The following USP46 variants were observed in gnomAD, a reference collection of about 807,000 sequenced individuals.
USP46 encodes ubiquitin specific peptidase 46, also known as ubiquitin carboxyl-terminal hydrolase 46.
USP46 carries 12 observed loss-of-function variants against 44.4 expected under a neutral mutation model. That is an observed-to-expected ratio of 0.27 (90% CI 0.17 to 0.44). USP46 has a LOEUF of 0.44. USP46 is among the 20% of genes least tolerant of loss of function. The pLI, the probability that USP46 is intolerant of heterozygous loss-of-function variation, is 1.00. For missense variants in USP46, 248 were observed against 444.8 expected (o/e 0.56, Z 3.98); for synonymous variants, 155 against 161.5 (o/e 0.96, Z 0.31).
intron 4 of USP46, among the ~76,000 whole-genome samples, chr4:52,620,535 C>T (rs980432942): frequency 2.6e-5 from 4 of 152,146 alleles, no homozygotes; most frequent in African/African-American, 9.7e-5. Flanking sequence ...CAGGCTTTTA[C>T]ATAGCAAATG....
chr4:52,617,010 T>G (rs1045593869), intron 4 of USP46, among the ~76,000 whole-genome samples: 1 of 152,236 alleles, frequency 6.6e-6, no homozygotes, highest in Non-Finnish European at 1.5e-5. Flanking sequence ...TATATCTGTA[T>G]GCTAGTAAAC....
chr4:52,658,983 G>A lies in USP46; in HGVS notation c.36+132C>T, dbSNP rs879751259. 1.5e-3 allele frequency: 1,769 copies of A among 1,145,410 alleles called. 6 individuals are homozygous for A. The highest frequency in any genetic ancestry group is 1.9e-3 in the Non-Finnish European group (1,679 of 865,268). 71.0% of individuals were successfully genotyped at this position (1,145,410 alleles called of 1,614,324 possible). A position where few individuals can be genotyped will look rare whatever the true frequency, so the allele number is the denominator to read the frequency against. Reference sequence around the variant, plus strand: ...CTGCGGCCGCGCGCCCAGCTCGGGGGCCGGGAACTTCTGGCGGCGCGGACC... The same window carrying A: ...CTGCGGCCGCGCGCCCAGCTCGGGGACCGGGAACTTCTGGCGGCGCGGACC... On this transcript the variant is annotated intron_variant, in intron 1 of 8. Transcript: ENST00000441222.
intron 1 of USP46, among the ~76,000 whole-genome samples, chr4:52,657,107 C>G (rs943874626): frequency 6.7e-6 from 1 of 149,234 alleles, no homozygotes; most frequent in Non-Finnish European, 1.5e-5. Context: ...AGAACCCAAA[C>G]TCTGTCACTC....
At position 52,595,021 on chromosome 4, in the gene USP46, A is replaced by T. The variant is rs951329292; in HGVS notation, c.*2619T>A. The T allele has an allele frequency of 6.6e-6, 1 of 152,070 alleles. No homozygotes were observed. The highest frequency in any genetic ancestry group is 1.5e-5 in the Non-Finnish European group (1 of 68,034). 9.4% of individuals were successfully genotyped at this position (152,070 alleles called of 1,614,324 possible). A position where few individuals can be genotyped will look rare whatever the true frequency, so the allele number is the denominator to read the frequency against. On this transcript the variant is annotated 3_prime_UTR_variant, in exon 9 of 9. Coordinates refer to ENST00000441222, the MANE Select transcript of USP46 (RefSeq NM_022832.4). ...AAACTAGTAAGTAACCAATAAAGCA[A>T]ATGTTCCTTCTGTTTTTTTTTTAAA...
At position 52,648,806 on chromosome 4, in the gene USP46, A is replaced by G. The variant is rs142338163; in HGVS notation, c.36+10309T>C. 1.2e-3 allele frequency among the ~76,000 whole-genome samples: 187 copies of G among 152,334 alleles called. 2 individuals carry two copies. Among genetic ancestry groups the G allele is most frequent in the Admixed American group, 2.9e-3 (44 of 15,306 alleles). The stretch of plus-strand genomic sequence containing the variant: ...CTCTGCATTTAAATAGGAGTGTCCT[A>G]TGGTAGCTTAACCTTAGAGGGACCT... On this transcript the variant is annotated intron_variant, in intron 1 of 8. Coordinates refer to ENST00000441222, the MANE Select transcript of USP46 (RefSeq NM_022832.4).
intron 1 of USP46, among the ~76,000 whole-genome samples, chr4:52,640,229 T>C (rs1400789678): frequency 6.6e-6 from 1 of 152,156 alleles, no homozygotes; most frequent in Non-Finnish European, 1.5e-5. Flanking sequence ...AGTAATAACG[T>C]GTTGCATAGG....
At chr4:52,649,376 T>C (rs1037974002) in intron 1 of USP46, among the ~76,000 whole-genome samples, 2 of 152,248 alleles carry the variant, frequency 1.3e-5, no homozygotes, top group African/African-American at 2.4e-5. Context: ...AGGTATTTCA[T>C]TGACTACCTT....
intron 4 of USP46, among the ~76,000 whole-genome samples, chr4:52,622,335 T>TA (rs1374504854): frequency 2.2e-4 from 34 of 152,164 alleles, no homozygotes; most frequent in Non-Finnish European, 4.6e-4. Flanking sequence ...TATACTTCTT[T>TA]AAAAAAATGA....
At chr4:52,642,277 T>C (rs1718371908) in intron 1 of USP46, among the ~76,000 whole-genome samples, 1 of 152,254 alleles carries the variant, frequency 6.6e-6, no homozygotes, top group East Asian at 1.9e-4. Context: ...ATTTTACTTG[T>C]ATTTCATTCA....
At chr4:52,598,020 A>G (rs1268379610) in intron 8 of USP46, among the ~76,000 whole-genome samples, 2 of 152,214 alleles carry the variant, frequency 1.3e-5, no homozygotes, top group African/African-American at 4.8e-5. Context: ...CCCAGATGGT[A>G]AACTGATGGG....
In USP46 at chr4:52,597,479, C is replaced by G. The variant is rs778366743; in HGVS notation, c.*161G>C. ...TGAAATAAAACCAAGAGTAGTGCTGCATGTAAAAACACAAAAGGAGAGAGT... is the reference window on the plus strand; with the variant it reads ...TGAAATAAAACCAAGAGTAGTGCTGGATGTAAAAACACAAAAGGAGAGAGT... On this transcript the variant is annotated 3_prime_UTR_variant, in exon 9 of 9. Coordinates refer to ENST00000441222, the MANE Select transcript of USP46 (RefSeq NM_022832.4). 1.8e-5 allele frequency: 11 copies of G among 602,580 alleles called. No homozygotes were observed. Among genetic ancestry groups the G allele is most frequent in the Non-Finnish European group, 3.2e-5 (11 of 340,376 alleles). 37.3% of individuals were successfully genotyped at this position (602,580 alleles called of 1,614,324 possible). A position where few individuals can be genotyped will look rare whatever the true frequency, so the allele number is the denominator to read the frequency against.
intron 1 of USP46, among the ~76,000 whole-genome samples, chr4:52,631,953 C>T (rs561383648): frequency 6.6e-6 from 1 of 151,658 alleles, no homozygotes; most frequent in Admixed American, 6.6e-5. Context: ...TTGCAGTGAG[C>T]CAAGATTGTG....
At chr4:52,634,867 G>A (rs1346799934) in intron 1 of USP46, among the ~76,000 whole-genome samples, 2 of 152,186 alleles carry the variant, frequency 1.3e-5, no homozygotes, top group Non-Finnish European at 2.9e-5. Context: ...CAACACCCAT[G>A]TGGATGGATG....
intron 1 of USP46, among the ~76,000 whole-genome samples, chr4:52,652,774 G>C (rs1304763943): frequency 6.6e-6 from 1 of 152,006 alleles, no homozygotes; most frequent in Non-Finnish European, 1.5e-5. Context: ...TGTGGGGAGA[G>C]GCAATGAGAT....
chr4:52,643,933 T>G (rs924320073), intron 1 of USP46, among the ~76,000 whole-genome samples: 1 of 152,186 alleles, frequency 6.6e-6, no homozygotes, highest in Non-Finnish European at 1.5e-5. Flanking sequence ...ACATTTTCAG[T>G]AATTCTTTAG....
intron 1 of USP46, among the ~76,000 whole-genome samples, chr4:52,647,602 G>A (rs7691678): frequency 0.13 from 20,121 of 152,194 alleles, 1,373 homozygotes; most frequent in African/African-American, 0.18. Context: ...CTCAGGAAAA[G>A]GAAAAACATT....
intron 4 of USP46, among the ~76,000 whole-genome samples, chr4:52,622,958 T>C (rs374007509): frequency 3.9e-5 from 6 of 152,192 alleles, no homozygotes; most frequent in African/African-American, 1.4e-4. Flanking sequence ...CATAAGAATT[T>C]GTAGGCAGTG....
At chr4:52,631,208 T>G (rs1341142192) in intron 1 of USP46, 64 bp from the exon 2 acceptor site, 2 of 1,273,700 alleles carry the variant, frequency 1.6e-6, no homozygotes, top group Admixed American at 2.2e-5. Flanking sequence ...AAATCATACC[T>G]AAAAGAGTCT....
chr4:52,657,929 T>C (rs1372789457), intron 1 of USP46, among the ~76,000 whole-genome samples: 2 of 152,144 alleles, frequency 1.3e-5, no homozygotes, highest in South Asian at 2.1e-4. Context: ...TGCAACAGAA[T>C]GTGGGACAGA....
Sources: gnomAD v4.1 joint callset for allele counts (sites outside exome capture counted in the v4.1 genomes callset) on GRCh38, gnomAD v4.1.1 for gene constraint, MANE v1.5 for transcripts, NCBI Gene and HGNC (gene_info 2026-07-23, HGNC 2026-07-21) for gene names.